SV2C: variants seen among roughly 807,000 people sequenced by gnomAD.
SV2C encodes solute carrier family 22 member B3.
Under a neutral mutation model 79.7 loss-of-function variants are expected in SV2C, and 49 were observed. The observed-to-expected ratio is 0.61, with a 90% CI of 0.49 to 0.78. SV2C has a LOEUF of 0.78. SV2C is among the 30% of genes least tolerant of loss of function. SV2C has a pLI of 0.00. For missense variants in SV2C, 833 were observed against 912.9 expected (o/e 0.91, Z 1.13); for synonymous variants, 334 against 333.2 (o/e 1.00, Z -0.03).
chr5:76,183,397 G>A (rs116142151), intron 2 of SV2C, among the ~76,000 whole-genome samples: 384 of 151,652 alleles, frequency 2.5e-3, no homozygotes, highest in Non-Finnish European at 4.6e-3. Context: ...CCTCCCACCA[G>A]GCCCCACCTC....
In SV2C at chr5:76,234,442, G is replaced by A. The variant is rs182009021; in HGVS notation, c.913+24555G>A. Among the ~76,000 whole-genome samples, 21 of 152,250 alleles carry A rather than the reference G, an allele frequency of 1.4e-4. 1 individual carries two copies. The highest frequency in any genetic ancestry group is 1.4e-3 in the Admixed American group (21 of 15,294). The stretch of plus-strand genomic sequence containing the variant: ...TCAATGATCTTATACAAAAGATCTG[G>A]CAAGTTTTCTTAGAGGAAAGTTTTC... On this transcript the variant is annotated intron_variant, in intron 4 of 12. Transcript: ENST00000502798.
chr5:75,971,431 G>A, the SV2C span, among the ~76,000 whole-genome samples: 37 of 152,116 alleles, frequency 2.4e-4, 1 homozygote, highest in South Asian at 3.9e-3. Flanking sequence ...AAACCCCATC[G>A]TCTCAGCCCA....
the SV2C span, among the ~76,000 whole-genome samples, chr5:75,939,959 C>T: frequency 6.6e-6 from 1 of 152,164 alleles, no homozygotes; most frequent in East Asian, 1.9e-4. Flanking sequence ...TTCAGTTCTA[C>T]CCAAGATCTC....
the SV2C span, among the ~76,000 whole-genome samples, chr5:76,035,206 A>C: frequency 6.7e-6 from 1 of 148,338 alleles, no homozygotes; most frequent in African/African-American, 2.5e-5. Flanking sequence ...CAGCTCCTGG[A>C]TTCGTTAATT....
At chr5:75,879,570 G>C in the SV2C span, among the ~76,000 whole-genome samples, 3 of 152,180 alleles carry the variant, frequency 2.0e-5, no homozygotes, top group Non-Finnish European at 4.4e-5. Flanking sequence ...CAAGAGGTGG[G>C]CTCCCAAGGC....
intron 4 of SV2C, among the ~76,000 whole-genome samples, chr5:76,277,763 A>AAC (rs1747067130): frequency 6.6e-6 from 1 of 152,074 alleles, no homozygotes; most frequent in Admixed American, 6.6e-5. Context: ...CTCAAAAAAA[A>AAC]AAAAAACAGA....
the SV2C span, among the ~76,000 whole-genome samples, chr5:75,966,199 T>A: frequency 2.0e-5 from 3 of 152,228 alleles, no homozygotes; most frequent in Admixed American, 6.5e-5. Flanking sequence ...ATGATCCAAT[T>A]TTAAGTTCTT....
intron 1 of SV2C, among the ~76,000 whole-genome samples, chr5:76,093,633 G>A (rs888499504): frequency 4.6e-5 from 7 of 152,136 alleles, no homozygotes; most frequent in Non-Finnish European, 1.0e-4. Flanking sequence ...CCAGTGAATC[G>A]GAATGCAACA....
intron 3 of SV2C, among the ~76,000 whole-genome samples, chr5:76,208,264 T>C (rs1744667983): frequency 6.6e-6 from 1 of 152,240 alleles, no homozygotes; most frequent in Admixed American, 6.5e-5. Flanking sequence ...AAATGATACT[T>C]ATGCTTATCC....
intron 2 of SV2C, among the ~76,000 whole-genome samples, chr5:76,137,983 C>T (rs1749123841): frequency 6.6e-6 from 1 of 152,160 alleles, no homozygotes; most frequent in African/African-American, 2.4e-5. Flanking sequence ...TCAGTGACTT[C>T]AGCTGTCACA....
rs184024206 is a variant in SV2C, at chr5:76,219,453, A to C, written c.913+9566A>C. Among the ~76,000 whole-genome samples the C allele has an allele frequency of 4.3e-3, 657 of 152,298 alleles. 3 individuals are homozygous for C. The highest frequency in any genetic ancestry group is 6.0e-3 in the Non-Finnish European group (406 of 68,024). ...TAAGGGCTTAAAAAGTAGATGTGAA[A>C]TTTTAAAAAAATTATCATGTGTTTA... On this transcript the variant is annotated intron_variant, in intron 4 of 12. Coordinates refer to ENST00000502798, the MANE Select transcript of SV2C (RefSeq NM_014979.4).
chr5:76,257,044 C>G (rs1746289768), intron 4 of SV2C, among the ~76,000 whole-genome samples: 1 of 150,544 alleles, frequency 6.6e-6, no homozygotes, highest in Non-Finnish European at 1.5e-5. Flanking sequence ...TTGTTTAGGC[C>G]AGTTGTCAGA....
At chr5:76,268,049 T>C (rs1179576360) in intron 4 of SV2C, among the ~76,000 whole-genome samples, 1 of 152,176 alleles carries the variant, frequency 6.6e-6, no homozygotes, top group East Asian at 1.9e-4. Context: ...TCGTGATTCT[T>C]AGCACACAAA....
At chr5:76,022,810 A>G in the SV2C span, among the ~76,000 whole-genome samples, 1 of 152,208 alleles carries the variant, frequency 6.6e-6, no homozygotes, top group Non-Finnish European at 1.5e-5. Context: ...TGCTTCTGCT[A>G]CATCAGCATC....
At chr5:76,312,555 T>C (rs949665448) in intron 12 of SV2C, among the ~76,000 whole-genome samples, 6 of 152,114 alleles carry the variant, frequency 3.9e-5, no homozygotes, top group African/African-American at 1.4e-4. Flanking sequence ...GCCCAGCCAT[T>C]AGGGGCCATC....
intron 12 of SV2C, among the ~76,000 whole-genome samples, chr5:76,348,454 G>C (rs1302319668): frequency 6.6e-6 from 1 of 152,190 alleles, no homozygotes; most frequent in Non-Finnish European, 1.5e-5. Context: ...TAAATATCAA[G>C]GTACATGATT....
intron 2 of SV2C, among the ~76,000 whole-genome samples, chr5:76,138,357 T>C (rs1435998570): frequency 6.6e-6 from 1 of 152,160 alleles, no homozygotes; most frequent in Non-Finnish European, 1.5e-5. Context: ...CACAAGGCTC[T>C]CCATTCTTGG....
intron 10 of SV2C, among the ~76,000 whole-genome samples, 186 bp downstream of exon 10, chr5:76,299,113 C>T (rs769267826): frequency 6.6e-6 from 1 of 152,164 alleles, no homozygotes; most frequent in Non-Finnish European, 1.5e-5. Context: ...AGATTTAGTG[C>T]AAATGGAGCT....
chr5:76,227,730 A>G (rs1473988521), intron 4 of SV2C, among the ~76,000 whole-genome samples: 1 of 152,118 alleles, frequency 6.6e-6, no homozygotes, highest in African/African-American at 2.4e-5. Flanking sequence ...TCCCCTCCAC[A>G]CATCTGGTTG....
Sources: allele counts gnomAD v4.1 joint callset (sites outside exome capture counted in the v4.1 genomes callset), GRCh38; gene constraint gnomAD v4.1.1; transcripts MANE v1.5; gene names NCBI Gene and HGNC (gene_info 2026-07-23, HGNC 2026-07-21).